Variants in ANTXR1 observed in about 807,000 individuals in gnomAD.
ANTXR1 encodes the protein anthrax toxin receptor 1.
Under a neutral mutation model 78.1 loss-of-function variants are expected in ANTXR1, and 19 were observed. The ratio of observed to expected loss-of-function variants is 0.24; its 90% confidence interval spans 0.17 to 0.36. The LOEUF is 0.36. Among genes scored for constraint, ANTXR1 ranks in the 10% least tolerant of loss-of-function variants. The pLI is 1.00. For synonymous variants in ANTXR1, 273 were observed against 260.5 expected (o/e 1.05, Z -0.46); for missense variants, 518 against 718.6 (o/e 0.72, Z 3.19).
chr2:69,199,363 C>T (rs1674723397), intron 17 of ANTXR1, among the ~76,000 whole-genome samples: 1 of 152,136 alleles, frequency 6.6e-6, no homozygotes, highest in Non-Finnish European at 1.5e-5. Flanking sequence ...TACCTCTCAC[C>T]CTGAGAGTCT....
At chr2:69,077,914 T>G (rs1670788982) in intron 8 of ANTXR1, among the ~76,000 whole-genome samples, 1 of 152,260 alleles carries the variant, frequency 6.6e-6, no homozygotes, top group Non-Finnish European at 1.5e-5. Context: ...TGAAGTCATC[T>G]GCAGAGATTT....
At chr2:69,179,972 AAG>A (rs1181270853) in intron 14 of ANTXR1, among the ~76,000 whole-genome samples, 3 of 152,088 alleles carry the variant, frequency 2.0e-5, no homozygotes. Context: ...GCAACCAAGT[AAG>A]AGAGAGAGAG....
chr2:69,098,601 G>A (rs541236265), intron 9 of ANTXR1, among the ~76,000 whole-genome samples: 12 of 152,256 alleles, frequency 7.9e-5, no homozygotes, highest in African/African-American at 2.6e-4. Flanking sequence ...AGAACAGAAT[G>A]GAATAAATCT....
chr2:69,234,155 A>G (rs574103790), intron 17 of ANTXR1, among the ~76,000 whole-genome samples: 124 of 152,332 alleles, frequency 8.1e-4, no homozygotes, highest in African/African-American at 2.9e-3. Context: ...ATAAAGATAG[A>G]CTTATAAGAT....
chr2:69,203,521 G>A (rs553399810), intron 17 of ANTXR1, among the ~76,000 whole-genome samples: 154 of 152,290 alleles, frequency 1.0e-3, no homozygotes, highest in African/African-American at 3.4e-3. Context: ...CAAAGTTGAT[G>A]CTGCAAAATA....
intron 9 of ANTXR1, among the ~76,000 whole-genome samples, chr2:69,096,553 T>A (rs1671436729): frequency 6.6e-6 from 1 of 151,684 alleles, no homozygotes; most frequent in Admixed American, 6.6e-5. Context: ...CTGGTGAACA[T>A]ATATAGGGAG....
intron 17 of ANTXR1, among the ~76,000 whole-genome samples, chr2:69,225,965 T>C (rs1675440709): frequency 6.6e-6 from 1 of 152,192 alleles, no homozygotes; most frequent in African/African-American, 2.4e-5. Context: ...TTTTTGCTTA[T>C]TCATAATTTC....
chr2:69,167,421 G>T (rs1456685535), intron 13 of ANTXR1, among the ~76,000 whole-genome samples: 15 of 152,224 alleles, frequency 9.9e-5, no homozygotes, highest in Non-Finnish European at 2.2e-4. Context: ...GAGGGGAGTG[G>T]GGTGGGCTGA....
chr2:69,222,460 T>A (rs1472021719), intron 17 of ANTXR1, among the ~76,000 whole-genome samples: 1 of 152,244 alleles, frequency 6.6e-6, no homozygotes, highest in Non-Finnish European at 1.5e-5. Context: ...TGTCTCCATC[T>A]GCCCCCACAG....
At chr2:69,092,089 G>C (rs1455818895) in intron 9 of ANTXR1, among the ~76,000 whole-genome samples, 1 of 152,168 alleles carries the variant, frequency 6.6e-6, no homozygotes, top group African/African-American at 2.4e-5. Flanking sequence ...ACCATTGAGA[G>C]TTTATTGTTG....
rs957793640 is a variant in ANTXR1 at position 69,035,434 on chromosome 2, C to T, written c.153-4610C>T. Among the ~76,000 whole-genome samples, 6 of 152,234 alleles carry T rather than the reference C, an allele frequency of 3.9e-5. No individual in the cohort carries two copies. In the South Asian group the frequency reaches 8.3e-4, roughly 21 times the overall value. Reference sequence around the variant, plus strand: ...CCTGCATGTGTGGGTTAAGAAGTTTCGGAAATAAAGAGTAGAAGGAGTCCA... The same window carrying T: ...CCTGCATGTGTGGGTTAAGAAGTTTTGGAAATAAAGAGTAGAAGGAGTCCA... On this transcript the variant is annotated intron_variant, in intron 1 of 17. Coordinates refer to ENST00000303714, the MANE Select transcript of ANTXR1 (RefSeq NM_032208.3).
At chr2:69,238,799 T>A (rs1675831824) in intron 17 of ANTXR1, among the ~76,000 whole-genome samples, 1 of 152,242 alleles carries the variant, frequency 6.6e-6, no homozygotes, top group Admixed American at 6.5e-5. Context: ...ATTTTAGTGT[T>A]CTTCCTGTGG....
At chr2:69,018,940 G>GATGGAAAGTATCAGGAACTT (rs1671105287) in intron 1 of ANTXR1, among the ~76,000 whole-genome samples, 1 of 152,212 alleles carries the variant, frequency 6.6e-6, no homozygotes. Flanking sequence ...AGCTGTAGTT[G>GATGGAAAGTATCAGGAACTT]ATGGAAAGTA....
chr2:69,091,748 C>T (rs928990840), intron 9 of ANTXR1, among the ~76,000 whole-genome samples: 1 of 152,118 alleles, frequency 6.6e-6, no homozygotes, highest in Admixed American at 6.5e-5. Flanking sequence ...TGGTAGTGGA[C>T]GGCTCTGGTT....
chr2:69,221,572 C>T (rs1042820581), intron 17 of ANTXR1, among the ~76,000 whole-genome samples: 1 of 151,950 alleles, frequency 6.6e-6, no homozygotes, highest in Non-Finnish European at 1.5e-5. Flanking sequence ...CTGGGGGTGA[C>T]CCTGGAGTCA....
chr2:69,226,096 C>A (rs1230758181), intron 17 of ANTXR1, among the ~76,000 whole-genome samples: 1 of 152,198 alleles, frequency 6.6e-6, no homozygotes, highest in African/African-American at 2.4e-5. Context: ...CTCTCAGCCT[C>A]AAGAATCCTG....
At position 69,023,105 on chromosome 2, in the gene ANTXR1, T is replaced by A. The variant is rs542375438; in HGVS notation, c.152+9454T>A. 3.9e-5 allele frequency among the ~76,000 whole-genome samples: 6 copies of A among 152,354 alleles called. No homozygotes were observed. In the South Asian group the frequency reaches 1.2e-3, roughly 32 times the overall value. On this transcript the variant is annotated intron_variant, in intron 1 of 17. Transcript: ENST00000303714. ...GCAGCTTTAAATATCAGCTCAATGC[T>A]TCAGCAAGCATTGTGACCTTGGGCA...
At chr2:69,038,881 C>T (rs2104065473) in intron 1 of ANTXR1, among the ~76,000 whole-genome samples, 2 of 152,112 alleles carry the variant, frequency 1.3e-5, no homozygotes, top group Middle Eastern at 6.8e-3. Context: ...TGGAATACAC[C>T]CGATCAGAAT....
intron 10 of ANTXR1, among the ~76,000 whole-genome samples, chr2:69,122,602 A>G (rs1344967607): frequency 6.6e-6 from 1 of 151,392 alleles, no homozygotes; most frequent in Non-Finnish European, 1.5e-5. Context: ...TTGTTTTTTT[A>G]TTATTATTAT....
Sources: gnomAD v4.1 joint callset for allele counts (sites outside exome capture counted in the v4.1 genomes callset) on GRCh38, gnomAD v4.1.1 for gene constraint, MANE v1.5 for transcripts, NCBI Gene and HGNC (gene_info 2026-07-23, HGNC 2026-07-21) for gene names.